The following PHF2 variants were observed in gnomAD, a reference collection of about 807,000 sequenced individuals.
PHF2 encodes lysine-specific demethylase PHF2.
In PHF2, 27 loss-of-function variants were observed where a neutral mutation model predicts 120.5. The ratio of observed to expected loss-of-function variants is 0.22; its 90% CI spans 0.17 to 0.31. The LOEUF (loss-of-function observed/expected upper bound fraction) is 0.31. Among genes scored for constraint, PHF2 ranks in the 10% least tolerant of loss-of-function variants. The probability of loss-of-function intolerance (pLI) is 1.00; values close to 1 mark genes in which losing one functional copy is unlikely to be tolerated. For synonymous variants in PHF2, 568 were observed against 592.5 expected, an observed-to-expected ratio of 0.96 and a Z score of 0.60; for missense variants, 1,024 against 1,434.8, an observed-to-expected ratio of 0.71 and a Z score of 4.63.
chr9:93,606,144 A>AT (rs1395169915), intron 1 of PHF2, among the ~76,000 whole-genome samples: 3 of 151,826 alleles, frequency 2.0e-5, no homozygotes, highest in Admixed American at 6.6e-5. Flanking sequence ...TAATTTTTGT[A>AT]TTTTTTGTAG....
chr9:93,652,987 G>A (rs1303497625), intron 5 of PHF2, among the ~76,000 whole-genome samples, 192 bp from the exon 6 acceptor site: 1 of 152,162 alleles, frequency 6.6e-6, no homozygotes. Flanking sequence ...TCCTGCCAGG[G>A]CCACAGCCAG....
intron 2 of PHF2, among the ~76,000 whole-genome samples, chr9:93,632,436 C>G (rs1204627743): frequency 1.3e-5 from 2 of 152,334 alleles, no homozygotes; most frequent in East Asian, 3.9e-4. Context: ...CAAAATACCA[C>G]AGACTGGAGG....
At chr9:93,630,732 G>C (rs1825987661) in intron 2 of PHF2, among the ~76,000 whole-genome samples, 2 of 152,212 alleles carry the variant, frequency 1.3e-5, no homozygotes, top group African/African-American at 2.4e-5. Flanking sequence ...CCTCAGCCCT[G>C]GTTGCAGAGG....
chr9:93,577,506 G>A (rs1862849127), intron 1 of PHF2, among the ~76,000 whole-genome samples: 1 of 152,140 alleles, frequency 6.6e-6, no homozygotes, highest in South Asian at 2.1e-4. Context: ...CCGGACCCCC[G>A]CGGAGCAGCT....
chr9:93,662,880 C>G (rs1826603231), intron 12 of PHF2, 27 bp from the exon 13 acceptor site: 1 of 1,613,088 alleles, frequency 6.2e-7, no homozygotes, highest in African/African-American at 1.3e-5. Context: ...ATGTCTGCCT[C>G]TGGGTCACAG....
chr9:93,600,791 TG>T (rs151147761), intron 1 of PHF2, among the ~76,000 whole-genome samples: 3,529 of 152,260 alleles, frequency 0.023, 68 homozygotes, highest in Middle Eastern at 0.037. Context: ...TGCTGCGCTA[TG>T]GGGAGGCCAG....
chr9:93,642,734 GGA>G, intron 3 of PHF2, among the ~76,000 whole-genome samples: 1 of 152,158 alleles, frequency 6.6e-6, no homozygotes, highest in East Asian at 1.9e-4. Flanking sequence ...TCTTTAATTT[GGA>G]GAGTCACATG....
At chr9:93,654,321 G>T in intron 6 of PHF2, 92 bp from the exon 7 acceptor site, 1 of 1,215,882 alleles carries the variant, frequency 8.2e-7, no homozygotes. Flanking sequence ...CGTGGACCTG[G>T]GCAGGGTACT....
At chr9:93,674,866 C>T in intron 18 of PHF2, 61 bp from the exon 19 acceptor site, 1 of 1,246,122 alleles carries the variant, frequency 8.0e-7, no homozygotes, top group Non-Finnish European at 1.2e-6. Context: ...TACCCCCCCG[C>T]CCTCCTCCGT....
intron 2 of PHF2, among the ~76,000 whole-genome samples, chr9:93,635,997 T>C (rs1826083598): frequency 6.6e-6 from 1 of 151,856 alleles, no homozygotes. Flanking sequence ...GTTGGGGTGA[T>C]GGAGGTCCCA....
chr9:93,628,292 G>A (rs942879763), intron 1 of PHF2, among the ~76,000 whole-genome samples: 2 of 152,160 alleles, frequency 1.3e-5, no homozygotes, highest in African/African-American at 4.8e-5. Context: ...TTCTGAAAAA[G>A]TTTAAGAAGG....
chr9:93,576,875 AGC>A lies in PHF2; in HGVS notation c.98+10_98+11del. The A allele has an allele frequency of 8.2e-7, 1 of 1,216,216 alleles. No homozygotes were observed. Among genetic ancestry groups the A allele is most frequent in the Non-Finnish European group, 1.1e-6 (1 of 940,438 alleles). 75.3% of individuals were successfully genotyped at this position (1,216,216 alleles called of 1,614,324 possible). A position where few individuals can be genotyped will look rare whatever the true frequency, so the allele number is the denominator to read the frequency against. On this transcript the variant is annotated splice_donor_5th_base_variant and intron_variant, in intron 1 of 21. Coordinates refer to ENST00000359246, the MANE Select transcript of PHF2 (RefSeq NM_005392.4). ...GCAAGGACTGGTTCCACGGCAGGTG[AGC>A]GCGCGGCGGCTGCTCGGCTCGGCCC... is the stretch of plus-strand genomic sequence containing the variant.
intron 1 of PHF2, among the ~76,000 whole-genome samples, chr9:93,594,295 C>T (rs147981218): frequency 1.4e-3 from 219 of 152,272 alleles, no homozygotes; most frequent in African/African-American, 5.0e-3. Flanking sequence ...AGGCCATTGA[C>T]CATGAGCCTG....
In PHF2 at chr9:93,656,096, G is replaced by T; in HGVS notation, c.1040+75G>T. The T allele has an allele frequency of 2.4e-6, 3 of 1,259,450 alleles. No homozygotes were observed. The highest frequency in any genetic ancestry group is 3.4e-6 in the Non-Finnish European group (3 of 887,344). 78.0% of individuals were successfully genotyped at this position (1,259,450 alleles called of 1,614,324 possible). On this transcript the variant is annotated intron_variant, in intron 8 of 21. Transcript: ENST00000359246. The surrounding 1 kb of genome is among the most constrained non-coding windows in gnomAD (Gnocchi z 4.1). The stretch of plus-strand genomic sequence containing the variant: ...CCCTCTAGCTGGGTCGGTGCTAGAT[G>T]CCTTGGGCTGAGTCCTGGCACAGCC...
intron 1 of PHF2, among the ~76,000 whole-genome samples, chr9:93,599,501 G>A (rs1178029964): frequency 2.0e-5 from 3 of 152,250 alleles, no homozygotes; most frequent in Admixed American, 1.3e-4. Flanking sequence ...GATGGAGTGC[G>A]TGGAGGTTGG....
intron 1 of PHF2, among the ~76,000 whole-genome samples, chr9:93,627,491 G>GTTTTTTTTTT (rs1186546705): frequency 9.7e-5 from 4 of 41,078 alleles, no homozygotes; most frequent in East Asian, 1.3e-3. Flanking sequence ...TTTATTTCAG[G>GTTTTTTTTTT]ATTTTTTTTT....
At position 93,649,232 on chromosome 9, in the gene PHF2, G is replaced by T; in HGVS notation, c.602+20G>T. On this transcript the variant is annotated intron_variant, in intron 5 of 21. Coordinates refer to ENST00000359246, the MANE Select transcript of PHF2 (RefSeq NM_005392.4). ...CACCCGGTGAGTGCTACCACCCTGG[G>T]GGTGTGGGGGCTGGGGTTGGGGCAG... The T allele has an allele frequency of 6.5e-7, 1 of 1,549,192 alleles. No individual in the cohort carries two copies. The highest frequency in any genetic ancestry group is 8.7e-7 in the Non-Finnish European group (1 of 1,145,946).
intron 14 of PHF2, among the ~76,000 whole-genome samples, chr9:93,665,158 C>G (rs1451088702): frequency 6.6e-6 from 1 of 152,222 alleles, no homozygotes; most frequent in African/African-American, 2.4e-5. Context: ...TCCTGTAGCC[C>G]TGGCCCTGAG....
At chr9:93,650,808 C>G (rs115182033) in intron 5 of PHF2, among the ~76,000 whole-genome samples, 1 of 152,196 alleles carries the variant, frequency 6.6e-6, no homozygotes, top group African/African-American at 2.4e-5. Flanking sequence ...CACCGTAAGG[C>G]GCGGGTGGCT....
Sources: gnomAD v4.1 joint callset for allele counts (sites outside exome capture counted in the v4.1 genomes callset) on GRCh38, gnomAD v4.1.1 for gene constraint, Gnocchi (gnomAD v3.1) non-coding constraint, MANE v1.5 for transcripts, NCBI Gene and HGNC (gene_info 2026-07-23, HGNC 2026-07-21) for gene names.